Variants in MTUS2 observed in about 807,000 individuals in gnomAD.
MTUS2 encodes the protein microtubule-associated tumor suppressor candidate 2.
In MTUS2, 40 loss-of-function variants were observed where a neutral mutation model predicts 114.1. That is an observed-to-expected ratio of 0.35 (90% CI 0.27 to 0.46). MTUS2 has a LOEUF of 0.46. Among genes scored for constraint, MTUS2 ranks in the 20% least tolerant of loss-of-function variants. The pLI, the probability that MTUS2 is intolerant of heterozygous loss-of-function variation, is 1.00. For synonymous variants in MTUS2, 688 were observed against 672.0 expected (o/e 1.02, Z -0.37); for missense variants, 1,679 against 1,705.4 (o/e 0.98, Z 0.27).
chr13:29,141,738 A>T lies in MTUS2; in HGVS notation c.2644+40768A>T, dbSNP rs149434679. Among the ~76,000 whole-genome samples the T allele has an allele frequency of 3.3e-5, 5 of 152,362 alleles. No individual in the cohort carries two copies. The East Asian group carries it at 9.6e-4, about 29-fold the overall frequency. The stretch of plus-strand genomic sequence containing the variant: ...ATGTGGCATTAGCCAAATATGTGTA[A>T]TGAGCATAAAATTTGTGCAAAACAC... On this transcript the variant is annotated intron_variant, in intron 5 of 15. Transcript: ENST00000612955.
chr13:28,885,104 G>A (rs1323069461), intron 2 of MTUS2, among the ~76,000 whole-genome samples: 1 of 152,070 alleles, frequency 6.6e-6, no homozygotes, highest in African/African-American at 2.4e-5. Context: ...CTGAATGGTA[G>A]CTTTATCTTA....
chr13:28,906,212 G>A (rs1880000848), intron 2 of MTUS2, among the ~76,000 whole-genome samples: 4 of 151,362 alleles, frequency 2.6e-5, no homozygotes. Flanking sequence ...CCAGCTCCTG[G>A]ATTCATTAAT....
intron 6 of MTUS2, among the ~76,000 whole-genome samples, chr13:29,293,331 T>C (rs1898796061): frequency 6.6e-6 from 1 of 152,200 alleles, no homozygotes. Flanking sequence ...GGTCAATGGC[T>C]ATAAACATAT....
At chr13:29,358,692 G>A (rs75604188) in intron 7 of MTUS2, among the ~76,000 whole-genome samples, 6,814 of 152,224 alleles carry the variant, frequency 0.045, 532 homozygotes, top group African/African-American at 0.16. Context: ...TTGGAGGGAT[G>A]TGTTGCAGGA....
At chr13:29,189,835 C>T (rs1396081480) in intron 5 of MTUS2, among the ~76,000 whole-genome samples, 1 of 152,132 alleles carries the variant, frequency 6.6e-6, no homozygotes. Context: ...ATATGTGTCC[C>T]TCTACCCCCA....
At chr13:29,200,618 T>C (rs1021061649) in intron 5 of MTUS2, among the ~76,000 whole-genome samples, 4 of 150,096 alleles carry the variant, frequency 2.7e-5, no homozygotes, top group Non-Finnish European at 4.4e-5. Context: ...TTTCCTGGGT[T>C]CAAGCGATTC....
At chr13:29,195,672 G>A (rs1894664514) in intron 5 of MTUS2, among the ~76,000 whole-genome samples, 1 of 152,078 alleles carries the variant, frequency 6.6e-6, no homozygotes, top group Admixed American at 6.6e-5. Flanking sequence ...GCCAAGGGAA[G>A]GGCGCCCCAC....
At chr13:29,255,402 A>G (rs947167875) in intron 5 of MTUS2, among the ~76,000 whole-genome samples, 2 of 152,160 alleles carry the variant, frequency 1.3e-5, no homozygotes, top group African/African-American at 4.8e-5. Flanking sequence ...TGACATTTTG[A>G]CTATTTACAC....
intron 4 of MTUS2, among the ~76,000 whole-genome samples, 198 bp from the exon 5 acceptor site, chr13:29,100,575 G>C (rs959169474): frequency 1.3e-5 from 2 of 152,082 alleles, no homozygotes; most frequent in Admixed American, 6.5e-5. Flanking sequence ...CCTCCTCTCT[G>C]AGTTCTCTGA....
At position 29,289,396 on chromosome 13, in the gene MTUS2, G is replaced by A. The variant is rs560600106; in HGVS notation, c.2806+7531G>A. Among the ~76,000 whole-genome samples the A allele has an allele frequency of 4.0e-5, 6 of 151,800 alleles. No homozygotes were observed. The South Asian group carries it at 1.2e-3, about 32-fold the overall frequency. ...AGTTAAAAAATGTGTGGGGATAATA[G>A]TTCCTACTCCATGGGGTTGTTCTGA... On this transcript the variant is annotated intron_variant, in intron 6 of 15. Transcript: ENST00000612955.
intron 9 of MTUS2, among the ~76,000 whole-genome samples, chr13:29,472,325 G>A (rs550687162): frequency 2.0e-5 from 3 of 152,060 alleles, no homozygotes; most frequent in Non-Finnish European, 4.4e-5. Flanking sequence ...CCCAGCCATG[G>A]TCCATGAACT....
chr13:29,068,759 T>C (rs1888777714), intron 4 of MTUS2, among the ~76,000 whole-genome samples: 1 of 152,066 alleles, frequency 6.6e-6, no homozygotes. Flanking sequence ...GAATGGTATA[T>C]GTAAAGATTG....
At chr13:29,040,766 G>T (rs950269889) in intron 4 of MTUS2, among the ~76,000 whole-genome samples, 2 of 151,970 alleles carry the variant, frequency 1.3e-5, no homozygotes, top group Non-Finnish European at 2.9e-5. Context: ...TTTGAGAATT[G>T]TCTATTCATT....
chr13:29,201,474 G>C (rs554415536), intron 5 of MTUS2, among the ~76,000 whole-genome samples: 1 of 152,132 alleles, frequency 6.6e-6, no homozygotes, highest in East Asian at 1.9e-4. Flanking sequence ...TTATCAGTCT[G>C]TGTCTTTTAA....
intron 4 of MTUS2, among the ~76,000 whole-genome samples, chr13:29,047,229 C>T (rs914594974): frequency 3.3e-5 from 5 of 152,170 alleles, no homozygotes; most frequent in African/African-American, 4.8e-5. Context: ...GTTTCTTCTT[C>T]TGTGAAATGG....
intron 2 of MTUS2, among the ~76,000 whole-genome samples, chr13:28,908,601 TAC>T (rs750021522): frequency 1.1e-4 from 16 of 151,514 alleles, no homozygotes; most frequent in Non-Finnish European, 1.8e-4. Flanking sequence ...GCAATAAACA[TAC>T]ATGTGCATGT....
chr13:29,344,627 T>G (rs1352084193), intron 7 of MTUS2, among the ~76,000 whole-genome samples: 1 of 152,162 alleles, frequency 6.6e-6, no homozygotes, highest in Non-Finnish European at 1.5e-5. Flanking sequence ...ATCATTTAAG[T>G]GGAACATTTA....
chr13:29,014,860 G>A (rs192500135), intron 2 of MTUS2, among the ~76,000 whole-genome samples: 8 of 152,338 alleles, frequency 5.3e-5, no homozygotes, highest in African/African-American at 4.8e-5. Flanking sequence ...AGAATGGCTC[G>A]TTAGAGAAGC....
chr13:28,933,708 A>AAGTC (rs1881745689), intron 2 of MTUS2, among the ~76,000 whole-genome samples: 3 of 152,320 alleles, frequency 2.0e-5, no homozygotes, highest in Admixed American at 2.0e-4. Flanking sequence ...AAGCCCTGTA[A>AAGTC]AGATGAACCT....
Sources: gnomAD v4.1 joint callset for allele counts (sites outside exome capture counted in the v4.1 genomes callset) on GRCh38, gnomAD v4.1.1 for gene constraint, MANE v1.5 for transcripts, NCBI Gene and HGNC (gene_info 2026-07-23, HGNC 2026-07-21) for gene names.